The following ARRB1 variants were observed in gnomAD, a reference collection of about 807,000 sequenced individuals.
ARRB1 encodes arrestin beta 1.
A neutral mutation model predicts 56.8 loss-of-function variants in ARRB1; 21 were observed. The observed-to-expected ratio is 0.37, with a 90% CI of 0.26 to 0.53. The LOEUF (loss-of-function observed/expected upper bound fraction) is 0.53, where lower values mean the gene tolerates loss of function less well. Among genes scored for constraint, ARRB1 ranks in the 20% least tolerant of loss-of-function variants. ARRB1 has a pLI of 0.88. For synonymous variants in ARRB1, 210 were observed against 218.6 expected (o/e 0.96, Z 0.35); for missense variants, 424 against 553.7 (o/e 0.77, Z 2.35).
intron 1 of ARRB1, among the ~76,000 whole-genome samples, chr11:75,330,874 T>C (rs1052318849): frequency 5.3e-5 from 8 of 152,228 alleles, no homozygotes; most frequent in African/African-American, 1.9e-4. Flanking sequence ...AAGTTGAATC[T>C]GGCTGGACTT....
In ARRB1 at chr11:75,268,922, G is replaced by A; in HGVS notation, c.1060C>T (p.Pro354Ser). Residue 354 changes from proline to serine, a missense_variant, in exon 14 of 16, where the codon CCC becomes TCC. This residue lies in a region of ARRB1 where 121 missense variants were observed against 147.3 expected (regional missense o/e 0.82). Transcript: ENST00000420843. Reference protein sequence around the residue: ...AVELPFTLMHPKPKEEPPHRE... With the variant: ...AVELPFTLMHSKPKEEPPHRE... ...TGCGGGGGTTCCTCTTTGGGCTTGGGGTGCATTAGGGTGAAGGGCAGTTCC... is the reference window on the plus strand; with the variant it reads ...TGCGGGGGTTCCTCTTTGGGCTTGGAGTGCATTAGGGTGAAGGGCAGTTCC... 1.9e-6 allele frequency: 3 copies of A among 1,611,272 alleles called. No individual in the cohort carries two copies. Among genetic ancestry groups the A allele is most frequent in the Non-Finnish European group, 2.5e-6 (3 of 1,179,290 alleles).
chr11:75,307,766 C>G (rs1351971732), intron 1 of ARRB1, among the ~76,000 whole-genome samples: 2 of 151,786 alleles, frequency 1.3e-5, no homozygotes, highest in Non-Finnish European at 3.0e-5. Flanking sequence ...CTCCATTGAA[C>G]TGAAGCCACC....
At chr11:75,311,875 C>T (rs1208625105) in intron 1 of ARRB1, among the ~76,000 whole-genome samples, 2 of 152,210 alleles carry the variant, frequency 1.3e-5, no homozygotes, top group Non-Finnish European at 2.9e-5. Context: ...CTCCTCTCAT[C>T]CCCAGCATAC....
intron 1 of ARRB1, among the ~76,000 whole-genome samples, chr11:75,350,886 C>G (rs187582656): frequency 6.6e-6 from 1 of 152,170 alleles, no homozygotes; most frequent in Admixed American, 6.5e-5. Context: ...GGGCTAGCAG[C>G]TCGTGCCTGT....
intron 1 of ARRB1, among the ~76,000 whole-genome samples, chr11:75,302,419 C>T (rs750043469): frequency 3.9e-5 from 6 of 152,230 alleles, no homozygotes; most frequent in Non-Finnish European, 7.3e-5. Flanking sequence ...TCTGTTAACC[C>T]ATGAAGCTGG....
chr11:75,312,177 G>A, intron 1 of ARRB1: 1 of 1,281,302 alleles, frequency 7.8e-7, no homozygotes. Flanking sequence ...CCGGGGAGTG[G>A]TGAGCTCAGC....
chr11:75,321,255 A>T (rs1028992364), intron 1 of ARRB1, among the ~76,000 whole-genome samples: 1 of 69,172 alleles, frequency 1.4e-5, no homozygotes, highest in African/African-American at 5.5e-5. Context: ...ATCCCACCCC[A>T]TTCCTGCTCA....
At chr11:75,271,806 C>T (rs1946079372) in intron 12 of ARRB1, 82 bp from the exon 13 acceptor site, 2 of 1,441,142 alleles carry the variant, frequency 1.4e-6, no homozygotes, top group Non-Finnish European at 1.9e-6. Flanking sequence ...TCATTCACCA[C>T]TTCTGCTGTC....
chr11:75,343,940 G>A (rs896774656), intron 1 of ARRB1, among the ~76,000 whole-genome samples: 2 of 151,868 alleles, frequency 1.3e-5, no homozygotes, highest in Admixed American at 6.6e-5. Flanking sequence ...CTCAGCCTCC[G>A]GAGTAGCTGG....
rs1945805685 is a variant in ARRB1 at position 75,262,104 on chromosome 11, G to T, written c.*4059C>A. The T allele has an allele frequency of 6.6e-6, 1 of 152,254 alleles. No homozygotes were observed. The highest frequency in any genetic ancestry group is 1.5e-5 in the Non-Finnish European group (1 of 68,056). The allele number at this position is 152,254 out of a possible 1,614,324, so 9.4% of individuals were successfully genotyped here. The stretch of plus-strand genomic sequence containing the variant: ...TCACTGAGAAGCTGTGGTGGCTCCA[G>T]TTGCTCCTGGAAGAGGCCTTACACT... On this transcript the variant is annotated 3_prime_UTR_variant, in exon 16 of 16. Transcript: ENST00000420843.
At chr11:75,306,950 GA>G (rs1265996861) in intron 1 of ARRB1, among the ~76,000 whole-genome samples, 1 of 152,130 alleles carries the variant, frequency 6.6e-6, no homozygotes, top group African/African-American at 2.4e-5. Flanking sequence ...TCACCAGAGT[GA>G]CCCCTCAAGT....
chr11:75,335,590 C>CA (rs35137614), intron 1 of ARRB1, among the ~76,000 whole-genome samples: 98,533 of 148,712 alleles, frequency 0.66, 33,554 homozygotes, highest in African/African-American at 0.85. Context: ...GTCCCTGTCT[C>CA]AAAAAAAAAA....
intron 1 of ARRB1, among the ~76,000 whole-genome samples, chr11:75,298,815 T>C (rs556168452): frequency 6.6e-6 from 1 of 150,842 alleles, no homozygotes; most frequent in South Asian, 2.1e-4. Context: ...TTTTTTAAAA[T>C]TCAGTCTATA....
intron 12 of ARRB1, among the ~76,000 whole-genome samples, chr11:75,271,986 G>A (rs976554189): frequency 6.6e-6 from 1 of 152,134 alleles, no homozygotes; most frequent in African/African-American, 2.4e-5. Flanking sequence ...TCAAGGCAGT[G>A]TAAAAATTAA....
chr11:75,326,724 C>CTTTTT (rs34937667), intron 1 of ARRB1, among the ~76,000 whole-genome samples: 1 of 123,794 alleles, frequency 8.1e-6, no homozygotes, highest in African/African-American at 3.1e-5. Flanking sequence ...AAATTACTGT[C>CTTTTT]TTTTTTTTTT....
chr11:75,321,351 A>AAGT (rs1178802545), intron 1 of ARRB1, among the ~76,000 whole-genome samples: 1 of 149,736 alleles, frequency 6.7e-6, no homozygotes, highest in Non-Finnish European at 1.5e-5. Flanking sequence ...GTGGTCAGGA[A>AAGT]AGTAGGCAGC....
chr11:75,288,604 A>G (rs1946535582), intron 2 of ARRB1, among the ~76,000 whole-genome samples: 1 of 147,448 alleles, frequency 6.8e-6, no homozygotes, highest in Non-Finnish European at 1.5e-5. Flanking sequence ...TCACCCTAAA[A>G]TGCAAATCTT....
At chr11:75,319,846 C>T (rs1947319366) in intron 1 of ARRB1, among the ~76,000 whole-genome samples, 1 of 152,186 alleles carries the variant, frequency 6.6e-6, no homozygotes, top group African/African-American at 2.4e-5. Flanking sequence ...CATTCCAGGC[C>T]ACTTGCCTAG....
intron 1 of ARRB1, among the ~76,000 whole-genome samples, chr11:75,341,026 A>C (rs1947685997): frequency 6.7e-6 from 1 of 148,860 alleles, no homozygotes; most frequent in African/African-American, 2.5e-5. Context: ...ACCCCCGCGC[A>C]CTCAGCTGTG....
Sources: allele counts gnomAD v4.1 joint callset (sites outside exome capture counted in the v4.1 genomes callset), GRCh38; gene constraint gnomAD v4.1.1; regional missense constraint gnomAD v4.1.1; transcripts MANE v1.5; gene names NCBI Gene and HGNC (gene_info 2026-07-23, HGNC 2026-07-21).